Variants in GOLT1B observed in about 807,000 individuals in gnomAD.
GOLT1B encodes vesicle transport protein GOT1B.
In GOLT1B, 3 loss-of-function variants were observed where a neutral mutation model predicts 15.4. The ratio of observed to expected loss-of-function variants is 0.19; its 90% confidence interval spans 0.09 to 0.50. The LOEUF is 0.50. GOLT1B is among the 20% of genes least tolerant of loss of function. GOLT1B has a pLI of 0.97. For missense variants in GOLT1B, 145 were observed against 160.4 expected, an observed-to-expected ratio of 0.90 and a Z score of 0.52; for synonymous variants, 65 against 56.2, an observed-to-expected ratio of 1.16 and a Z score of -0.70.
At chr12:21,512,252 G>GA in intron 3 of GOLT1B, 43 bp from the exon 4 acceptor site, 1 of 954,122 alleles carries the variant, frequency 1.0e-6, no homozygotes, top group Non-Finnish European at 1.7e-6. Context: ...TTTGAAAATA[G>GA]AAAATGTGTA....
In GOLT1B at chr12:21,508,540, A is replaced by G; in HGVS notation, c.275A>G (p.Tyr92Cys). 6.4e-7 allele frequency: 1 copy of G among 1,573,674 alleles called. No homozygotes were observed. Among genetic ancestry groups the G allele is most frequent in the African/African-American group, 1.4e-5 (1 of 73,776 alleles). Residue 92 changes from tyrosine to cysteine, a missense_variant, in exon 3 of 5, where the codon TAT (tyrosine) becomes TGT (cysteine). Physicochemically the swap from Tyr to Cys is radical, Grantham distance 194. Transcript: ENST00000229314. ...TTGATAGGCATGATCTTCGAAATTT[A>G]TGGATTTTTTCTCTTGTTCAGGTAA... ...WPLIGMIFEI[Y>C]GFFLLFRGFF...
At chr12:21,502,123 C>T (rs1218079712) in intron 1 of GOLT1B, among the ~76,000 whole-genome samples, 175 bp downstream of exon 1, 1 of 152,202 alleles carries the variant, frequency 6.6e-6, no homozygotes, top group Non-Finnish European at 1.5e-5. Flanking sequence ...CGGGGCTAGA[C>T]TTGGACTGGC....
At chr12:21,514,501 T>C (rs1285883156) in intron 4 of GOLT1B, among the ~76,000 whole-genome samples, 2 of 152,182 alleles carry the variant, frequency 1.3e-5, no homozygotes, top group African/African-American at 4.8e-5. Flanking sequence ...AGAGAGAATA[T>C]TGTGCTTTCT....
chr12:21,504,464 A>G lies in GOLT1B; in HGVS notation c.26-2421A>G, dbSNP rs755817286. 24 of 444,886 alleles carry G rather than the reference A, an allele frequency of 5.4e-5. No homozygotes were observed. In the East Asian group the frequency reaches 1.3e-3, roughly 25 times the overall value. 27.6% of individuals were successfully genotyped at this position (444,886 alleles called of 1,614,324 possible). On this transcript the variant is annotated intron_variant, in intron 1 of 4. Coordinates refer to ENST00000229314, the MANE Select transcript of GOLT1B (RefSeq NM_016072.5). Reference sequence around the variant, plus strand: ...AGTTGTGGCAAAGATGTTTTGGGCAATGTCTCCCGCTGGACTGTACTGGAT... The same window carrying G: ...AGTTGTGGCAAAGATGTTTTGGGCAGTGTCTCCCGCTGGACTGTACTGGAT...
Position 21,506,924 on chromosome 12 carries a change from T to C in GOLT1B, c.65T>C (p.Leu22Pro). 1.3e-6 allele frequency: 2 copies of C among 1,516,602 alleles called. No homozygotes were observed. Among genetic ancestry groups the C allele is most frequent in the Non-Finnish European group, 1.8e-6 (2 of 1,093,578 alleles). The allele number at this position is 1,516,602 out of a possible 1,614,324, so 93.9% of individuals were successfully genotyped here. A position where few individuals can be genotyped will look rare whatever the true frequency, so the allele number is the denominator to read the frequency against. Reference sequence around the variant, plus strand: ...TTAACAGGATTTGGAGTGTTTTTCCTGTTCTTTGGAATGATTCTCTTTTTT... The same window carrying C: ...TTAACAGGATTTGGAGTGTTTTTCCCGTTCTTTGGAATGATTCTCTTTTTT... Reference protein sequence around the residue: ...MGLTGFGVFFLFFGMILFFDK... With the variant: ...MGLTGFGVFFPFFGMILFFDK... Residue 22 changes from leucine (L) to proline (P), a missense_variant, in exon 2 of 5, where the codon CTG (leucine) becomes CCG (proline). Leu to Pro is a moderately conservative substitution (Grantham distance 98, BLOSUM62 -3). Coordinates refer to ENST00000229314, the MANE Select transcript of GOLT1B (RefSeq NM_016072.5).
At chr12:21,502,735 T>C (rs1943644523) in intron 1 of GOLT1B, among the ~76,000 whole-genome samples, 1 of 152,194 alleles carries the variant, frequency 6.6e-6, no homozygotes. Flanking sequence ...ACTTTCCTAC[T>C]GCTTTTTGTT....
chr12:21,503,438 T>G (rs1208433618), intron 1 of GOLT1B, among the ~76,000 whole-genome samples: 1 of 152,230 alleles, frequency 6.6e-6, no homozygotes, highest in Non-Finnish European at 1.5e-5. Context: ...AGACTTGATA[T>G]AAACTTTATT....
rs979038587 is a variant in GOLT1B at position 21,518,051 on chromosome 12, T to A, written c.*2344T>A. On this transcript the variant is annotated 3_prime_UTR_variant, in exon 5 of 5. Coordinates refer to ENST00000229314, the MANE Select transcript of GOLT1B (RefSeq NM_016072.5). ...TTTTCCCCTTATAAATTGTAATTCC[T>A]GAAATACTGCTGCTTTAAAAAGTCC... The A allele has an allele frequency of 6.6e-6, 1 of 152,598 alleles. No homozygotes were observed. Among genetic ancestry groups the A allele is most frequent in the Non-Finnish European group, 1.5e-5 (1 of 67,984 alleles). The allele number at this position is 152,598 out of a possible 1,614,324, so 9.5% of individuals were successfully genotyped here.
intron 1 of GOLT1B, chr12:21,504,595 C>A: frequency 2.0e-6 from 1 of 508,538 alleles, no homozygotes; most frequent in Non-Finnish European, 3.9e-6. Context: ...TACCTGCCTC[C>A]ATACCACCAG....
At chr12:21,508,675 T>C in intron 3 of GOLT1B, 114 bp downstream of exon 3, 1 of 642,602 alleles carries the variant, frequency 1.6e-6, no homozygotes, top group South Asian at 1.9e-5. Context: ...AAATGGAATT[T>C]TATTTAGGTT....
rs1490112038 is a variant in GOLT1B, at chr12:21,512,095, A to T, written c.297-200A>T. On this transcript the variant is annotated intron_variant, in intron 3 of 4. Transcript: ENST00000229314. ...GTTGAGCTAACTCATAATCTGAGTT[A>T]TATATAGCTAGGCCTCATGTACTTG... Among the ~76,000 whole-genome samples, 3 of 152,338 alleles carry T rather than the reference A, an allele frequency of 2.0e-5. No individual in the cohort carries two copies. In the East Asian group the frequency reaches 5.8e-4, roughly 29 times the overall value.
chr12:21,503,248 C>A (rs1203277494), intron 1 of GOLT1B, among the ~76,000 whole-genome samples: 1 of 152,224 alleles, frequency 6.6e-6, no homozygotes, highest in Non-Finnish European at 1.5e-5. Context: ...TCATGTGAAT[C>A]ATTATGCATA....
At chr12:21,501,982 C>G in intron 1 of GOLT1B, 34 bp downstream of exon 1, 1 of 1,525,238 alleles carries the variant, frequency 6.6e-7, no homozygotes. Context: ...CGCCTCGAGC[C>G]GCGCACACCC....
rs542430277 is a variant in GOLT1B at position 21,508,114 on chromosome 12, C to T, written c.118-269C>T. On this transcript the variant is annotated intron_variant, in intron 2 of 4. Transcript: ENST00000229314. The stretch of plus-strand genomic sequence containing the variant: ...TGCAGACACAGATGCCCCTTGGTAA[C>T]GTCTAATCTTTCTTTGTTTCTCTTT... 67 of 413,110 alleles carry T rather than the reference C, an allele frequency of 1.6e-4. No individual in the cohort carries two copies. In the Admixed American group the frequency reaches 2.3e-3, roughly 14 times the overall value. 25.6% of individuals were successfully genotyped at this position (413,110 alleles called of 1,614,324 possible). A position where few individuals can be genotyped will look rare whatever the true frequency, so the allele number is the denominator to read the frequency against.
chr12:21,517,828 A>G lies in GOLT1B; in HGVS notation c.*2121A>G, dbSNP rs1658463218. The stretch of plus-strand genomic sequence containing the variant: ...CTTATTCAGAACCCTTGATGAGACT[A>G]TTTTTAAACATACTAGTCTGCTGAT... On this transcript the variant is annotated 3_prime_UTR_variant, in exon 5 of 5. Coordinates refer to ENST00000229314, the MANE Select transcript of GOLT1B (RefSeq NM_016072.5). The G allele has an allele frequency of 6.6e-6, 1 of 152,566 alleles. No individual in the cohort carries two copies. Among genetic ancestry groups the G allele is most frequent in the Non-Finnish European group, 1.5e-5 (1 of 67,968 alleles). 9.5% of individuals were successfully genotyped at this position (152,566 alleles called of 1,614,324 possible).
Position 21,515,711 on chromosome 12 carries a change from C to T in GOLT1B, c.*4C>T. 2 of 1,255,602 alleles carry T rather than the reference C, an allele frequency of 1.6e-6. 1 individual carries two copies. The highest frequency in any genetic ancestry group is 2.6e-5 in the South Asian group (2 of 77,970). 77.8% of individuals were successfully genotyped at this position (1,255,602 alleles called of 1,614,324 possible). ...AGAAAGCAACAATATGGTATAACAA[C>T]AAGTGAATTTGAAGACTCATTTAAA... On this transcript the variant is annotated 3_prime_UTR_variant, in exon 5 of 5. Coordinates refer to ENST00000229314, the MANE Select transcript of GOLT1B (RefSeq NM_016072.5).
chr12:21,509,024 C>T (rs191562254), intron 3 of GOLT1B, among the ~76,000 whole-genome samples: 16 of 152,228 alleles, frequency 1.1e-4, no homozygotes, highest in South Asian at 2.1e-4. Flanking sequence ...ACCAAATACA[C>T]TACTATGGGA....
chr12:21,507,787 T>A (rs1027964524), intron 2 of GOLT1B, among the ~76,000 whole-genome samples: 2 of 152,172 alleles, frequency 1.3e-5, no homozygotes, highest in Non-Finnish European at 2.9e-5. Flanking sequence ...CCATTTCTTG[T>A]CCACAGAATA....
At chr12:21,509,745 C>A (rs1324092658) in intron 3 of GOLT1B, among the ~76,000 whole-genome samples, 1 of 152,044 alleles carries the variant, frequency 6.6e-6, no homozygotes, top group African/African-American at 2.4e-5. Context: ...AGAATTTATC[C>A]TATAAACGAG....
Sources: allele counts gnomAD v4.1 joint callset (sites outside exome capture counted in the v4.1 genomes callset), GRCh38; gene constraint gnomAD v4.1.1; transcripts MANE v1.5; gene names NCBI Gene and HGNC (gene_info 2026-07-23, HGNC 2026-07-21).